The following ZNF845 variants were observed in gnomAD, a reference collection of about 807,000 sequenced individuals.
ZNF845 encodes zinc finger protein 845.
A neutral mutation model predicts 76.1 loss-of-function variants in ZNF845; 59 were observed. The observed-to-expected ratio is 0.78, with a 90% CI of 0.63 to 0.96. The LOEUF (loss-of-function observed/expected upper bound fraction) is 0.96. ZNF845 is among the 40% of genes least tolerant of loss of function. The pLI is 0.00. For missense variants in ZNF845, 1,045 were observed against 1,172.8 expected (o/e 0.89, Z 1.59); for synonymous variants, 361 against 386.9 (o/e 0.93, Z 0.78).
chr19:53,349,438 T>A (rs551661198), intron 3 of ZNF845, among the ~76,000 whole-genome samples: 9 of 151,782 alleles, frequency 5.9e-5, no homozygotes, highest in African/African-American at 1.2e-4. Context: ...CTAATTTTTT[T>A]TTTTTATTTT....
rs143474518 is a variant in ZNF845 at position 53,336,168 on chromosome 19, C to T, written c.-74+2376C>T. Among the ~76,000 whole-genome samples, 659 of 144,924 alleles carry T rather than the reference C, an allele frequency of 4.5e-3. 4 individuals carry two copies. Among genetic ancestry groups the T allele is most frequent in the Non-Finnish European group, 6.3e-3 (417 of 66,718 alleles). ...CGGAGGTTGCAGTGAGCCAAGATTGCGCCACTGCATTCCATCCTGGGCGAG... is the reference window on the plus strand; with the variant it reads ...CGGAGGTTGCAGTGAGCCAAGATTGTGCCACTGCATTCCATCCTGGGCGAG... On this transcript the variant is annotated intron_variant, in intron 1 of 3. Coordinates refer to ENST00000458035, the MANE Select transcript of ZNF845 (RefSeq NM_138374.3).
At chr19:53,348,847 ATTTTTTTT>A (rs565694028) in intron 3 of ZNF845, among the ~76,000 whole-genome samples, 5 of 96,600 alleles carry the variant, frequency 5.2e-5, no homozygotes, top group Non-Finnish European at 7.4e-5. Flanking sequence ...TTGTTAGTCA[ATTTTTTTT>A]TTTTTTTTTT....
At chr19:53,350,432 G>C (rs149135849) in intron 3 of ZNF845, among the ~76,000 whole-genome samples, 36 of 152,226 alleles carry the variant, frequency 2.4e-4, no homozygotes, top group African/African-American at 7.9e-4. Flanking sequence ...TGGTCTTTTA[G>C]CATTTATTTG....
At chr19:53,345,939 C>T (rs1463210841) in intron 3 of ZNF845, among the ~76,000 whole-genome samples, 1 of 151,664 alleles carries the variant, frequency 6.6e-6, no homozygotes. Flanking sequence ...TCTTGGTCTC[C>T]TGGGCTCAAG....
rs367994522 is a variant in ZNF845, at chr19:53,353,196, C to T, written c.2521C>T (p.Arg841Cys). Residue 841 changes from arginine to cysteine, a missense_variant, in exon 4 of 4, where the codon CGT becomes TGT. Physicochemically the swap from Arg to Cys is radical, Grantham distance 180. Transcript: ENST00000458035. ...YKCNECGKTF[R>C]HNSALEIHKA... is the part of the protein sequence containing the mutation. ...GTGTAATGAGTGTGGCAAGACCTTCCGTCACAATTCAGCCCTTGAAATTCA... is the reference window on the plus strand; with the variant it reads ...GTGTAATGAGTGTGGCAAGACCTTCTGTCACAATTCAGCCCTTGAAATTCA... 56 of 1,611,706 alleles carry T rather than the reference C, an allele frequency of 3.5e-5. No homozygotes were observed. Among genetic ancestry groups the T allele is most frequent in the South Asian group, 1.5e-4 (14 of 90,910 alleles).
Position 53,351,457 on chromosome 19 carries a change from A to G in ZNF845, c.782A>G (p.His261Arg). Residue 261 changes from histidine (H) to arginine (R), a missense_variant, in exon 4 of 4, where the codon CAT becomes CGT. His to Arg is a conservative substitution (Grantham distance 29). Transcript: ENST00000458035. ...VFNQKRYLACHRRCHTGKKPY... is the reference protein window; with the variant it reads ...VFNQKRYLACRRRCHTGKKPY... ...AATCAAAAGCGATATCTTGCATGTC[A>G]TCGTAGATGTCACACTGGCAAGAAA... The G allele has an allele frequency of 6.2e-7, 1 of 1,614,208 alleles. No homozygotes were observed. Among genetic ancestry groups the G allele is most frequent in the Admixed American group, 1.7e-5 (1 of 60,022 alleles).
chr19:53,347,012 TAGC>T (rs1407600213), intron 3 of ZNF845, among the ~76,000 whole-genome samples: 1 of 149,614 alleles, frequency 6.7e-6, no homozygotes, highest in Non-Finnish European at 1.5e-5. Flanking sequence ...GTTTTCCGAG[TAGC>T]TGGGATTACA....
intron 3 of ZNF845, among the ~76,000 whole-genome samples, chr19:53,350,485 C>G (rs779716994): frequency 6.6e-6 from 1 of 152,070 alleles, no homozygotes; most frequent in Non-Finnish European, 1.5e-5. Context: ...ATATGCTTTT[C>G]TCCTCATTGA....
intron 1 of ZNF845, among the ~76,000 whole-genome samples, chr19:53,340,479 C>G (rs1474828648): frequency 1.3e-5 from 2 of 152,166 alleles, no homozygotes; most frequent in East Asian, 3.9e-4. Flanking sequence ...GGCATCTCCA[C>G]CTTCATGTGT....
At chr19:53,344,051 A>G (rs1288271274) in intron 2 of ZNF845, among the ~76,000 whole-genome samples, 1 of 151,870 alleles carries the variant, frequency 6.6e-6, no homozygotes, top group East Asian at 1.9e-4. Flanking sequence ...ATTTAGGATC[A>G]CTGCAACCTC....
chr19:53,345,463 ACTC>A (rs2085287701), intron 2 of ZNF845, 40 bp from the exon 3 acceptor site: 3 of 1,613,178 alleles, frequency 1.9e-6, no homozygotes, highest in Admixed American at 1.7e-5. Flanking sequence ...AAAGATAAGA[ACTC>A]CTCCCATAAC....
chr19:53,335,060 C>G (rs1173498248), intron 1 of ZNF845, among the ~76,000 whole-genome samples: 1 of 152,020 alleles, frequency 6.6e-6, no homozygotes, highest in East Asian at 1.9e-4. Context: ...TTTTAAAATT[C>G]CTATCTATAA....
Position 53,351,301 on chromosome 19 carries a change from A to T in ZNF845, c.626A>T (p.His209Leu). 6.2e-7 allele frequency: 1 copy of T among 1,614,246 alleles called. No individual in the cohort carries two copies. Among genetic ancestry groups the T allele is most frequent in the Non-Finnish European group, 8.5e-7 (1 of 1,180,042 alleles). ...TTACTCACACAAAAGCAGGAAGTAC[A>T]CATGAGAGAAAAATCTTTCCAATGT... ...SSLLTQKQEV[H>L]MREKSFQCNE... Residue 209 changes from histidine to leucine, a missense_variant, in exon 4 of 4, where the codon CAC becomes CTC. Physicochemically the swap from His to Leu is moderately conservative, Grantham distance 99. Transcript: ENST00000458035.
chr19:53,342,538 C>A (rs79664564), intron 2 of ZNF845, among the ~76,000 whole-genome samples: 3,714 of 152,292 alleles, frequency 0.024, 154 homozygotes, highest in African/African-American at 0.085. Flanking sequence ...TCTCTTTTCC[C>A]TGTCACGTCC....
chr19:53,353,713 C>G lies in ZNF845; in HGVS notation c.*125C>G. Reference sequence around the variant, plus strand: ...ACAAGAATCTTGGGCGTGATTCACACCTGGCCCAACAAACTAGAAGTCACA... The same window carrying G: ...ACAAGAATCTTGGGCGTGATTCACAGCTGGCCCAACAAACTAGAAGTCACA... On this transcript the variant is annotated 3_prime_UTR_variant, in exon 4 of 4. Coordinates refer to ENST00000458035, the MANE Select transcript of ZNF845 (RefSeq NM_138374.3). 1 of 1,523,716 alleles carries G rather than the reference C, an allele frequency of 6.6e-7. No individual in the cohort carries two copies. Among genetic ancestry groups the G allele is most frequent in the Non-Finnish European group, 8.8e-7 (1 of 1,138,712 alleles). The allele number at this position is 1,523,716 out of a possible 1,614,324, so 94.4% of individuals were successfully genotyped here.
Position 53,341,231 on chromosome 19 carries a change from T to G in ZNF845, c.-73-4T>G. The G allele has an allele frequency of 6.3e-7, 1 of 1,581,402 alleles. No individual in the cohort carries two copies. The highest frequency in any genetic ancestry group is 1.1e-5 in the South Asian group (1 of 90,370). Reference sequence around the variant, plus strand: ...GCAATAAACAACATATTTTTAACATTCAGGATTGACTTCTAAAGACTCTTG... The same window carrying G: ...GCAATAAACAACATATTTTTAACATGCAGGATTGACTTCTAAAGACTCTTG... On this transcript the variant is annotated splice_polypyrimidine_tract_variant and splice_region_variant and intron_variant, in intron 1 of 3. Coordinates refer to ENST00000458035, the MANE Select transcript of ZNF845 (RefSeq NM_138374.3).
chr19:53,352,212 C>T lies in ZNF845; in HGVS notation c.1537C>T (p.His513Tyr). 1 of 1,613,730 alleles carries T rather than the reference C, an allele frequency of 6.2e-7. No individual in the cohort carries two copies. Among genetic ancestry groups the T allele is most frequent in the Non-Finnish European group, 8.5e-7 (1 of 1,179,878 alleles). The change falls in exon 4 of 4, where the codon CAT (histidine) becomes TAT (tyrosine). Residue 513 changes from histidine (H) to tyrosine (Y), a missense_variant. Coordinates refer to ENST00000458035, the MANE Select transcript of ZNF845 (RefSeq NM_138374.3). The stretch of plus-strand genomic sequence containing the variant: ...CAGTTTCAAATCAAACCTTGAAAGA[C>T]ATAGGATAATTCATACTGGAGAGAA... ...AFSFKSNLER[H>Y]RIIHTGEKLY...
rs148753350 is a variant in ZNF845, at chr19:53,338,821, C to T, written c.-73-2414C>T. On this transcript the variant is annotated intron_variant, in intron 1 of 3. Transcript: ENST00000458035. ...TGTGGCCGTGTGTGGTGGCTCACGCCTGTAGTCCTACAGCTTTGGGAGGCT... is the reference window on the plus strand; with the variant it reads ...TGTGGCCGTGTGTGGTGGCTCACGCTTGTAGTCCTACAGCTTTGGGAGGCT... 6.5e-3 allele frequency among the ~76,000 whole-genome samples: 987 copies of T among 151,952 alleles called. 10 individuals are homozygous for T. The highest frequency in any genetic ancestry group is 0.023 in the African/African-American group (946 of 41,424).
intron 2 of ZNF845, among the ~76,000 whole-genome samples, chr19:53,343,111 G>A (rs983326803): frequency 2.6e-5 from 4 of 152,002 alleles, no homozygotes; most frequent in African/African-American, 7.2e-5. Flanking sequence ...GATCCACCGC[G>A]CCCAGCCCCC....
Sources: allele counts gnomAD v4.1 joint callset (sites outside exome capture counted in the v4.1 genomes callset), GRCh38; gene constraint gnomAD v4.1.1; transcripts MANE v1.5; gene names NCBI Gene and HGNC (gene_info 2026-07-23, HGNC 2026-07-21).